RYR3: variants seen among roughly 807,000 people sequenced by gnomAD.
The protein encoded by RYR3 is ryanodine receptor 3.
Under a neutral mutation model 584.3 loss-of-function variants are expected in RYR3, and 207 were observed. The ratio of observed to expected loss-of-function variants is 0.35; its 90% confidence interval spans 0.32 to 0.40. The LOEUF is 0.40. Among genes scored for constraint, RYR3 ranks in the 10% least tolerant of loss-of-function variants. The probability of loss-of-function intolerance (pLI) is 1.00; values close to 1 mark genes in which losing one functional copy is unlikely to be tolerated. For missense variants in RYR3, 5,616 were observed against 6,089.2 expected (o/e 0.92, Z 2.59); for synonymous variants, 2,416 against 2,248.5 (o/e 1.07, Z -2.11).
At chr15:33,675,397 T>C (rs1364045672) in intron 38 of RYR3, among the ~76,000 whole-genome samples, 1 of 152,252 alleles carries the variant, frequency 6.6e-6, no homozygotes, top group Non-Finnish European at 1.5e-5. Flanking sequence ...TTTGTCAACC[T>C]GAATTCAACG....
chr15:33,812,041 T>A (rs1413232258), intron 72 of RYR3, among the ~76,000 whole-genome samples: 1 of 151,640 alleles, frequency 6.6e-6, no homozygotes, highest in Admixed American at 6.6e-5. Flanking sequence ...AGAAAAAAAA[T>A]CTTAGGGGCT....
chr15:33,449,622 C>T (rs914474629), intron 1 of RYR3, among the ~76,000 whole-genome samples: 7 of 152,138 alleles, frequency 4.6e-5, no homozygotes, highest in Admixed American at 1.3e-4. Flanking sequence ...GTAACAGTGT[C>T]GTGTGTTGTC....
chr15:33,483,655 A>C (rs2050167367), intron 2 of RYR3, among the ~76,000 whole-genome samples: 1 of 152,248 alleles, frequency 6.6e-6, no homozygotes. Context: ...TCCAGAAATA[A>C]GTAGCTGTTG....
intron 1 of RYR3, among the ~76,000 whole-genome samples, chr15:33,435,422 C>CT (rs1481858328): frequency 7.9e-5 from 12 of 152,106 alleles, no homozygotes; most frequent in Admixed American, 2.6e-4. Context: ...TATCATTATG[C>CT]TTTTTTCCAG....
intron 3 of RYR3, among the ~76,000 whole-genome samples, chr15:33,514,798 G>A (rs560083424): frequency 1.1e-4 from 16 of 151,924 alleles, no homozygotes; most frequent in Non-Finnish European, 1.8e-4. Flanking sequence ...TCAGGAGATC[G>A]AGACCATCCT....
At chr15:33,831,115 T>C (rs1240843166) in intron 86 of RYR3, 24 bp downstream of exon 86, 9 of 1,605,608 alleles carry the variant, frequency 5.6e-6, no homozygotes, top group Non-Finnish European at 7.6e-6. Context: ...AGTGCATGGT[T>C]GAAAACAAAG....
rs1361656905 is a variant in RYR3, at chr15:33,335,393, C to T, written c.51+24297C>T. Among the ~76,000 whole-genome samples the T allele has an allele frequency of 2.6e-5, 4 of 152,302 alleles. No individual in the cohort carries two copies. In the East Asian group the frequency reaches 7.7e-4, roughly 29 times the overall value. ...GTTCTTTGCAGGGACATGGATGGAG[C>T]TGGAGGCCATTGTCCTTAGCAAACT... On this transcript the variant is annotated intron_variant, in intron 1 of 103. Transcript: ENST00000634891.
chr15:33,521,579 A>G (rs901464072), intron 3 of RYR3, among the ~76,000 whole-genome samples: 3 of 152,008 alleles, frequency 2.0e-5, no homozygotes, highest in African/African-American at 7.2e-5. Context: ...GGCAAAGTTT[A>G]TGTATTTAAA....
chr15:33,633,674 A>C (rs1483487822), intron 24 of RYR3, among the ~76,000 whole-genome samples: 1 of 152,202 alleles, frequency 6.6e-6, no homozygotes, highest in Admixed American at 6.5e-5. Flanking sequence ...TGTGCAAACT[A>C]TGGGGGGAGG....
At chr15:33,431,096 T>C (rs2045104786) in intron 1 of RYR3, among the ~76,000 whole-genome samples, 1 of 152,244 alleles carries the variant, frequency 6.6e-6, no homozygotes, top group East Asian at 1.9e-4. Flanking sequence ...ACACATTGCT[T>C]GTGGGATTAT....
chr15:33,477,604 G>A (rs1369818587), intron 2 of RYR3, among the ~76,000 whole-genome samples: 2 of 148,560 alleles, frequency 1.3e-5, no homozygotes, highest in Non-Finnish European at 3.0e-5. Context: ...GGCTGGGCGC[G>A]GTGGCTCACG....
chr15:33,803,803 C>T (rs1301996370), intron 69 of RYR3, among the ~76,000 whole-genome samples: 3 of 152,242 alleles, frequency 2.0e-5, no homozygotes, highest in Admixed American at 2.0e-4. Context: ...GCGTGAGCCA[C>T]AGCTCCCGGC....
chr15:33,660,288 A>G lies in RYR3; in HGVS notation c.4487A>G (p.Gln1496Arg). The change falls in exon 34 of 104, where the codon CAG (glutamine) becomes CGG (arginine). Residue 1496 changes from glutamine (Q) to arginine (R), a missense_variant. Coordinates refer to ENST00000634891, the MANE Select transcript of RYR3 (RefSeq NM_001036.6). ...CCTCGGCTGGACGTCCAAACCATCC[A>G]GCCCGTGCTCTGGAGCCGCATGCCC... ...CPPRLDVQTIQPVLWSRMPNS... is the reference protein window; with the variant it reads ...CPPRLDVQTIRPVLWSRMPNS... 6.4e-7 allele frequency: 1 copy of G among 1,565,560 alleles called. No homozygotes were observed. The highest frequency in any genetic ancestry group is 8.7e-7 in the Non-Finnish European group (1 of 1,155,150).
At chr15:33,428,812 T>A (rs2044873897) in intron 1 of RYR3, among the ~76,000 whole-genome samples, 1 of 152,126 alleles carries the variant, frequency 6.6e-6, no homozygotes, top group South Asian at 2.1e-4. Context: ...AAAGTCAAAG[T>A]TGTTAGCATA....
intron 3 of RYR3, among the ~76,000 whole-genome samples, chr15:33,505,428 C>T (rs547966206): frequency 6.6e-6 from 1 of 152,308 alleles, no homozygotes; most frequent in Admixed American, 6.5e-5. Flanking sequence ...GTTCATTTCC[C>T]TGTTCCTTGC....
chr15:33,346,898 T>G (rs1402177280), intron 1 of RYR3, among the ~76,000 whole-genome samples: 1 of 152,008 alleles, frequency 6.6e-6, no homozygotes, highest in Non-Finnish European at 1.5e-5. Context: ...AGGCCAGGAG[T>G]TCGAGACCAG....
chr15:33,709,005 G>A (rs1012094888), intron 43 of RYR3, among the ~76,000 whole-genome samples: 1 of 152,166 alleles, frequency 6.6e-6, no homozygotes, highest in African/African-American at 2.4e-5. Flanking sequence ...CAGGTGATCA[G>A]AATGAGTCAG....
intron 2 of RYR3, among the ~76,000 whole-genome samples, chr15:33,481,193 T>C (rs904810853): frequency 3.9e-5 from 6 of 152,218 alleles, no homozygotes; most frequent in African/African-American, 1.4e-4. Context: ...TGTATGTATT[T>C]ATATCTTTAT....
rs138111680 is a variant in RYR3 at position 33,487,648 on chromosome 15, G to T, written c.171+14110G>T. Among the ~76,000 whole-genome samples, 547 of 152,286 alleles carry T rather than the reference G, an allele frequency of 3.6e-3. 4 individuals carry two copies. The highest frequency in any genetic ancestry group is 0.013 in the African/African-American group (529 of 41,548). On this transcript the variant is annotated intron_variant, in intron 2 of 103. Coordinates refer to ENST00000634891, the MANE Select transcript of RYR3 (RefSeq NM_001036.6). ...TGTGGTGAGGTTCTATGGGGACCATGGTGGGCACTATGCATTGAGAAACTA... is the reference window on the plus strand; with the variant it reads ...TGTGGTGAGGTTCTATGGGGACCATTGTGGGCACTATGCATTGAGAAACTA...
Sources: allele counts gnomAD v4.1 joint callset (sites outside exome capture counted in the v4.1 genomes callset), GRCh38; gene constraint gnomAD v4.1.1; transcripts MANE v1.5; gene names NCBI Gene and HGNC (gene_info 2026-07-23, HGNC 2026-07-21).